The following FBXW8 variants were observed in gnomAD, a reference collection of about 807,000 sequenced individuals.
FBXW8 encodes F-box and WD repeat domain containing 8, also known as F-box/WD repeat-containing protein 8.
FBXW8 carries 57 observed loss-of-function variants against 65.3 expected under a neutral mutation model. The ratio of observed to expected loss-of-function variants is 0.87; its 90% CI spans 0.71 to 1.09. The LOEUF is 1.09. Ranked by LOEUF, FBXW8 falls within the 50% of genes least tolerant of loss-of-function variation. The pLI is 0.00. For synonymous variants in FBXW8, 308 were observed against 330.2 expected (o/e 0.93, Z 0.73); for missense variants, 777 against 814.8 (o/e 0.95, Z 0.57).
chr12:116,915,041 A>AGTGG (rs1555215116), intron 1 of FBXW8, among the ~76,000 whole-genome samples: 1 of 152,230 alleles, frequency 6.6e-6, no homozygotes, highest in Non-Finnish European at 1.5e-5. Flanking sequence ...GCTATTTTCA[A>AGTGG]CTAATCTGTA....
intron 1 of FBXW8, among the ~76,000 whole-genome samples, chr12:116,918,065 A>G (rs775537485): frequency 1.3e-5 from 2 of 152,034 alleles, no homozygotes; most frequent in Non-Finnish European, 2.9e-5. Context: ...TTTTAGTAAT[A>G]GCACTTAGCA....
chr12:116,968,968 C>T (rs1884488809), intron 5 of FBXW8, among the ~76,000 whole-genome samples: 1 of 152,056 alleles, frequency 6.6e-6, no homozygotes, highest in Admixed American at 6.6e-5. Context: ...CATCTCTTCT[C>T]GGAGAGCCCA....
chr12:116,947,661 C>T (rs1347999960), intron 3 of FBXW8, among the ~76,000 whole-genome samples: 1 of 149,964 alleles, frequency 6.7e-6, no homozygotes, highest in Non-Finnish European at 1.5e-5. Flanking sequence ...ATCGCCTGAA[C>T]CCTGGAGGTG....
chr12:116,928,157 T>A, intron 2 of FBXW8, 30 bp downstream of exon 2: 1 of 1,389,948 alleles, frequency 7.2e-7, no homozygotes, highest in Non-Finnish European at 1.0e-6. Context: ...TGTTCCAGAT[T>A]TTCCTAAATG....
intron 4 of FBXW8, among the ~76,000 whole-genome samples, chr12:116,952,735 C>T (rs1272066790): frequency 6.6e-6 from 1 of 152,034 alleles, no homozygotes; most frequent in Admixed American, 6.6e-5. Context: ...TTAAAATTTA[C>T]ATTTAAATTT....
At chr12:116,990,815 TG>T (rs972271376) in intron 7 of FBXW8, among the ~76,000 whole-genome samples, 2 of 152,170 alleles carry the variant, frequency 1.3e-5, no homozygotes, top group Non-Finnish European at 2.9e-5. Context: ...AAGAATCAGC[TG>T]ATAAACACAT....
rs1408742631 is a variant in FBXW8 at position 116,962,646 on chromosome 12, T to C, written c.678-2051T>C. Among the ~76,000 whole-genome samples the C allele has an allele frequency of 2.0e-5, 3 of 152,262 alleles. No homozygotes were observed. The East Asian group carries it at 5.8e-4, about 29-fold the overall frequency. ...TTACTTTTCTGATCTGAATTCCCTT[T>C]ATCTTTCTTTCACTTACCATCTGTG... On this transcript the variant is annotated intron_variant, in intron 4 of 10. Coordinates refer to ENST00000652555, the MANE Select transcript of FBXW8 (RefSeq NM_153348.3).
intron 8 of FBXW8, among the ~76,000 whole-genome samples, chr12:117,015,215 A>C (rs1195156371): frequency 4.6e-5 from 7 of 152,170 alleles, no homozygotes; most frequent in Admixed American, 3.3e-4. Flanking sequence ...AAAAGGGAAA[A>C]ACATGGGAAA....
intron 7 of FBXW8, among the ~76,000 whole-genome samples, chr12:117,002,172 C>T (rs1349554471): frequency 6.6e-6 from 1 of 152,258 alleles, no homozygotes; most frequent in African/African-American, 2.4e-5. Context: ...GTTGGCACTG[C>T]CTGCCCGGGA....
intron 9 of FBXW8, among the ~76,000 whole-genome samples, chr12:117,027,120 G>A (rs1954250770): frequency 6.6e-6 from 1 of 152,196 alleles, no homozygotes; most frequent in African/African-American, 2.4e-5. Flanking sequence ...TGCCCTTTAT[G>A]TCTGGAATGT....
Position 116,911,042 on chromosome 12 carries a change from A to G in FBXW8, c.5A>G (p.Asp2Gly). The change falls in exon 1 of 11, where the codon GAC becomes GGC. Residue 2 changes from aspartate (D) to glycine (G), a missense_variant. Asp to Gly is a moderately conservative substitution (Grantham distance 94). Coordinates refer to ENST00000652555, the MANE Select transcript of FBXW8 (RefSeq NM_153348.3). ...GGAGCGCCGGGAGCGGCGAATATGGACGACTACAGCCTGGATGAGTTCCGT... is the reference window on the plus strand; with the variant it reads ...GGAGCGCCGGGAGCGGCGAATATGGGCGACTACAGCCTGGATGAGTTCCGT... M[D>G]DYSLDEFRRR... 3 of 1,438,498 alleles carry G rather than the reference A, an allele frequency of 2.1e-6. No individual in the cohort carries two copies. Among genetic ancestry groups the G allele is most frequent in the South Asian group, 1.4e-5 (1 of 70,890 alleles). The allele number at this position is 1,438,498 out of a possible 1,614,324, so 89.1% of individuals were successfully genotyped here.
intron 1 of FBXW8, 88 bp from the exon 2 acceptor site, chr12:116,927,935 A>C (rs1881452944): frequency 1.3e-6 from 1 of 752,958 alleles, no homozygotes; most frequent in Non-Finnish European, 2.2e-6. Context: ...CCACCTAAGA[A>C]TATCTCTGGT....
rs369575497 is a variant in FBXW8 at position 116,964,772 on chromosome 12, C to T, written c.753C>T (p.Asp251=). ...DYVAPFLESE[D]EEDEPGMQPN... is the part of the protein sequence containing the mutation. ...TAGCCCCCTTCCTGGAATCAGAGGA[C>T]GAGGAGGATGAGCCTGGAATGCAGC... The change falls in exon 5 of 11, where the codon GAC becomes GAT. Residue 251 remains aspartate, a synonymous_variant. Transcript: ENST00000652555. 9.1e-5 allele frequency: 146 copies of T among 1,613,190 alleles called. No homozygotes were observed. The highest frequency in any genetic ancestry group is 4.8e-5 in the Non-Finnish European group (57 of 1,179,998).
intron 5 of FBXW8, 75 bp downstream of exon 5, chr12:116,964,929 C>T (rs1177541670): frequency 2.1e-6 from 3 of 1,458,224 alleles, no homozygotes; most frequent in South Asian, 2.8e-5. Context: ...GTGGCCGGCT[C>T]CCCCCTGTAA....
chr12:117,020,682 T>C (rs1047012281), intron 8 of FBXW8, among the ~76,000 whole-genome samples: 2 of 152,224 alleles, frequency 1.3e-5, no homozygotes, highest in Non-Finnish European at 2.9e-5. Flanking sequence ...CATACTCCGC[T>C]CCCTGCCTAG....
In FBXW8 at chr12:116,911,320, G is replaced by T. The variant is rs1879915127; in HGVS notation, c.283G>T (p.Gly95Trp). 2 of 1,285,456 alleles carry T rather than the reference G, an allele frequency of 1.6e-6. No homozygotes were observed. The highest frequency in any genetic ancestry group is 6.2e-5 in the East Asian group (2 of 32,052). The allele number at this position is 1,285,456 out of a possible 1,614,324, so 79.6% of individuals were successfully genotyped here. A position where few individuals can be genotyped will look rare whatever the true frequency, so the allele number is the denominator to read the frequency against. The change falls in exon 1 of 11, where the codon GGG (glycine) becomes TGG (tryptophan). Residue 95 changes from glycine (G) to tryptophan (W), a missense_variant. Coordinates refer to ENST00000652555, the MANE Select transcript of FBXW8 (RefSeq NM_153348.3). ...TCTGGCCCGCGAGGGCGCCGGGGGC[G>T]GGGAGCAGCTGGTGGACCAGCTCAT... ...SPLAREGAGG[G>W]EQLVDQLIRD... is the part of the protein sequence containing the mutation.
At chr12:116,934,229 A>G (rs1187911327) in intron 2 of FBXW8, among the ~76,000 whole-genome samples, 1 of 151,994 alleles carries the variant, frequency 6.6e-6, no homozygotes, top group African/African-American at 2.4e-5. Context: ...AAGTCCTGCT[A>G]CATTAGTTTG....
Position 116,994,385 on chromosome 12 carries a change from C to T in FBXW8, c.1239+5516C>T, listed in dbSNP as rs867997400. Among the ~76,000 whole-genome samples, 9 of 152,268 alleles carry T rather than the reference C, an allele frequency of 5.9e-5. No individual in the cohort carries two copies. In the Middle Eastern group the frequency reaches 0.027, roughly 460 times the overall value. ...AAAGAGAACACAGATTTTTAAACAT[C>T]TAAATGTATTTTTTGACTGGGTAAT... On this transcript the variant is annotated intron_variant, in intron 7 of 10. Coordinates refer to ENST00000652555, the MANE Select transcript of FBXW8 (RefSeq NM_153348.3).
intron 1 of FBXW8, among the ~76,000 whole-genome samples, chr12:116,921,076 C>G: frequency 6.6e-6 from 1 of 152,222 alleles, no homozygotes; most frequent in East Asian, 1.9e-4. Context: ...TCCCCCAGCA[C>G]TTGCATTTCT....
Sources: allele counts gnomAD v4.1 joint callset (sites outside exome capture counted in the v4.1 genomes callset), GRCh38; gene constraint gnomAD v4.1.1; transcripts MANE v1.5; gene names NCBI Gene and HGNC (gene_info 2026-07-23, HGNC 2026-07-21).